The following UBE2G1 variants were observed in gnomAD, a reference collection of about 807,000 sequenced individuals.
UBE2G1 encodes ubiquitin-conjugating enzyme E2 G1.
A neutral mutation model predicts 22.7 loss-of-function variants in UBE2G1; 5 were observed. The observed-to-expected ratio is 0.22, with a 90% CI of 0.12 to 0.46. UBE2G1 has a LOEUF of 0.46. UBE2G1 is among the 20% of genes least tolerant of loss of function. The pLI is 0.99. For synonymous variants in UBE2G1, 74 were observed against 67.5 expected (o/e 1.10, Z -0.47); for missense variants, 88 against 203.9 (o/e 0.43, Z 3.46).
intron 1 of UBE2G1, among the ~76,000 whole-genome samples, chr17:4,329,109 GAAAAAAAAAAAAA>G (rs56962666): frequency 3.3e-5 from 3 of 91,740 alleles, no homozygotes; most frequent in Non-Finnish European, 6.2e-5. Context: ...GTCTCAAAAA[GAAAAAAAAAAAAA>G]AAAAAAAAAG....
At chr17:4,332,813 C>T (rs1158087581) in intron 1 of UBE2G1, among the ~76,000 whole-genome samples, 1 of 152,184 alleles carries the variant, frequency 6.6e-6, no homozygotes, top group Non-Finnish European at 1.5e-5. Context: ...TTCACTCATT[C>T]ACCTGAGTTC....
At position 4,337,332 on chromosome 17, in the gene UBE2G1, AAG is replaced by A. The variant is rs1166187161; in HGVS notation, c.46+28937_46+28938del. 7.6e-4 allele frequency among the ~76,000 whole-genome samples: 109 copies of A among 142,594 alleles called. 4 individuals carry two copies. The highest frequency in any genetic ancestry group is 1.2e-3 in the African/African-American group (44 of 37,606). The allele number at this position is 142,594 out of a possible 152,430, so 93.5% of individuals were successfully genotyped here. ...CTCTAATCTGTGTAAAAAAAAAAAA[AAG>A]AAAAGAAAAGAAAGAAAGAAAGAAA... is the stretch of plus-strand genomic sequence containing the variant. On this transcript the variant is annotated intron_variant, in intron 1 of 5. Transcript: ENST00000396981.
At chr17:4,316,197 G>C (rs1439599239) in intron 1 of UBE2G1, among the ~76,000 whole-genome samples, 1 of 152,058 alleles carries the variant, frequency 6.6e-6, no homozygotes, top group Non-Finnish European at 1.5e-5. Context: ...CTTTGTGTCT[G>C]GGTGACTGTG....
chr17:4,342,631 T>C (rs1163988410), intron 1 of UBE2G1, among the ~76,000 whole-genome samples: 1 of 152,098 alleles, frequency 6.6e-6, no homozygotes, highest in Non-Finnish European at 1.5e-5. Context: ...ACAGCTCTAT[T>C]TAGGAAATAC....
At chr17:4,331,049 A>T (rs28718128) in intron 1 of UBE2G1, among the ~76,000 whole-genome samples, 1 of 150,194 alleles carries the variant, frequency 6.7e-6, no homozygotes, top group Non-Finnish European at 1.5e-5. Context: ...GGGAATTTTT[A>T]AAATAATTTT....
intron 1 of UBE2G1, among the ~76,000 whole-genome samples, chr17:4,327,738 T>A (rs1462178209): frequency 6.6e-6 from 1 of 152,162 alleles, no homozygotes; most frequent in Non-Finnish European, 1.5e-5. Flanking sequence ...TGGCAGGTCC[T>A]AAAATACAGA....
intron 2 of UBE2G1, chr17:4,301,261 T>C (rs777812854): frequency 5.2e-6 from 2 of 383,178 alleles, no homozygotes; most frequent in African/African-American, 2.1e-5. Flanking sequence ...ATGTGATCAC[T>C]GACTTGGCTG....
intron 5 of UBE2G1, among the ~76,000 whole-genome samples, chr17:4,277,851 G>T (rs994500795): frequency 6.6e-6 from 1 of 151,830 alleles, no homozygotes; most frequent in African/African-American, 2.4e-5. Context: ...CCTTCAAGAA[G>T]AGACAGGTGA....
chr17:4,322,258 T>C (rs570976043), intron 1 of UBE2G1, among the ~76,000 whole-genome samples: 2 of 152,322 alleles, frequency 1.3e-5, no homozygotes, highest in South Asian at 2.1e-4. Context: ...AAGAATAATG[T>C]AAGCAGCAGA....
intron 1 of UBE2G1, among the ~76,000 whole-genome samples, chr17:4,360,149 ACTTC>A (rs1407646715): frequency 6.6e-6 from 1 of 152,132 alleles, no homozygotes; most frequent in Non-Finnish European, 1.5e-5. Flanking sequence ...ATAAGCCCAC[ACTTC>A]CTTCTCTGAA....
intron 1 of UBE2G1, among the ~76,000 whole-genome samples, chr17:4,329,861 G>T (rs1969551036): frequency 6.6e-6 from 1 of 150,550 alleles, no homozygotes. Context: ...ACGTCAGTAA[G>T]GTTCTCTTAG....
intron 2 of UBE2G1, among the ~76,000 whole-genome samples, chr17:4,299,569 T>C (rs1969149811): frequency 6.6e-6 from 1 of 152,222 alleles, no homozygotes; most frequent in South Asian, 2.1e-4. Context: ...AGCTTCATAA[T>C]AGCTGACTGG....
chr17:4,309,209 A>C (rs1969280402), intron 1 of UBE2G1, among the ~76,000 whole-genome samples: 1 of 152,256 alleles, frequency 6.6e-6, no homozygotes, highest in South Asian at 2.1e-4. Flanking sequence ...CAGTGAGCCA[A>C]GACCATGCCA....
chr17:4,298,263 C>T (rs1156589357), intron 2 of UBE2G1, among the ~76,000 whole-genome samples: 2 of 152,088 alleles, frequency 1.3e-5, no homozygotes, highest in Non-Finnish European at 2.9e-5. Context: ...GAAGTTGAGG[C>T]TTCAGAGAGC....
At chr17:4,312,019 G>T (rs1164286560) in intron 1 of UBE2G1, among the ~76,000 whole-genome samples, 1 of 79,218 alleles carries the variant, frequency 1.3e-5, no homozygotes, top group African/African-American at 4.1e-5. Flanking sequence ...TGCCAAGGCG[G>T]GTGGATCATC....
chr17:4,365,410 C>A (rs1970020982), intron 1 of UBE2G1, among the ~76,000 whole-genome samples: 1 of 152,230 alleles, frequency 6.6e-6, no homozygotes, highest in Non-Finnish European at 1.5e-5. Context: ...AAAAGTCAAC[C>A]TGGAAGCCGC....
intron 1 of UBE2G1, among the ~76,000 whole-genome samples, chr17:4,344,306 C>T (rs1969744990): frequency 6.6e-6 from 1 of 151,764 alleles, no homozygotes. Context: ...TTTGGGAGGC[C>T]GAGGCAGGCG....
At position 4,344,861 on chromosome 17, in the gene UBE2G1, T is replaced by C. The variant is rs1054907970; in HGVS notation, c.46+21410A>G. ...GGGCTACAGAGACTCTGTCCCTAAATATATAAAAAATAAATAAAAAATAAA... is the reference window on the plus strand; with the variant it reads ...GGGCTACAGAGACTCTGTCCCTAAACATATAAAAAATAAATAAAAAATAAA... On this transcript the variant is annotated intron_variant, in intron 1 of 5. Transcript: ENST00000396981. 5.3e-5 allele frequency among the ~76,000 whole-genome samples: 8 copies of C among 152,056 alleles called. No individual in the cohort carries two copies. The South Asian group carries it at 1.7e-3, about 32-fold the overall frequency.
At chr17:4,308,152 G>T (rs557140314) in intron 1 of UBE2G1, among the ~76,000 whole-genome samples, 115 of 152,274 alleles carry the variant, frequency 7.6e-4, no homozygotes, top group African/African-American at 2.6e-3. Context: ...TCGAGAGTTT[G>T]AGACCAGACT....
Sources: gnomAD v4.1 joint callset for allele counts (sites outside exome capture counted in the v4.1 genomes callset) on GRCh38, gnomAD v4.1.1 for gene constraint, MANE v1.5 for transcripts, NCBI Gene and HGNC (gene_info 2026-07-23, HGNC 2026-07-21) for gene names.